The following SLA variants were observed in gnomAD, a reference collection of about 807,000 sequenced individuals.
SLA encodes the protein src-like-adapter.
SLA carries 16 observed loss-of-function variants against 30.3 expected under a neutral mutation model. The observed-to-expected ratio is 0.53, with a 90% CI of 0.36 to 0.80. The LOEUF (loss-of-function observed/expected upper bound fraction) is 0.80, where lower values mean the gene tolerates loss of function less well. Ranked by LOEUF, SLA falls within the 30% of genes least tolerant of loss-of-function variation. The pLI is 0.01. For synonymous variants in SLA, 143 were observed against 137.8 expected, an observed-to-expected ratio of 1.04 and a Z score of -0.26; for missense variants, 310 against 345.2, an observed-to-expected ratio of 0.90 and a Z score of 0.81.
At chr8:133,047,006 A>T (rs2131174700) in intron 6 of SLA, 1 of 152,314 alleles carries the variant, frequency 6.6e-6, no homozygotes, top group Admixed American at 6.5e-5. Context: ...ATTTTAAAAA[A>T]GTTATTATTA....
intron 2 of SLA, among the ~76,000 whole-genome samples, chr8:133,070,052 G>A (rs2245055): frequency 0.6 from 79,242 of 132,330 alleles, 24,709 homozygotes; most frequent in East Asian, 0.79. Context: ...AAGAAAAGAA[G>A]AAAAGAAAGG....
At chr8:133,050,746 C>A in intron 4 of SLA, 70 bp downstream of exon 4, 2 of 1,039,966 alleles carry the variant, frequency 1.9e-6, no homozygotes, top group South Asian at 1.3e-5. Flanking sequence ...AGCTAACAAT[C>A]AAATACTTTT....
rs10106075 is a variant in SLA at position 133,037,633 on chromosome 8, C to T, written c.*891G>A. On this transcript the variant is annotated 3_prime_UTR_variant, in exon 9 of 9. Coordinates refer to ENST00000338087, the MANE Select transcript of SLA (RefSeq NM_001045556.3). ...CACCTCTGTTGGGGGTTAGGACTTACGCATCTTTTTTTTTTTTTTGGCTTG... is the reference window on the plus strand; with the variant it reads ...CACCTCTGTTGGGGGTTAGGACTTATGCATCTTTTTTTTTTTTTTGGCTTG... 0.15 allele frequency: 22,404 copies of T among 151,316 alleles called. 1,980 individuals are homozygous for T. Among genetic ancestry groups the T allele is most frequent in the African/African-American group, 0.24 (9,828 of 41,160 alleles). 9.4% of individuals were successfully genotyped at this position (151,316 alleles called of 1,614,324 possible).
intron 2 of SLA, among the ~76,000 whole-genome samples, chr8:133,064,685 C>T (rs562558683): frequency 4.1e-4 from 63 of 152,324 alleles, no homozygotes; most frequent in Non-Finnish European, 5.6e-4. Context: ...TGGGATATGC[C>T]GGCCAGCAGC....
Position 133,048,046 on chromosome 8 carries a change from A to C in SLA, c.249-113T>G. 3 of 616,048 alleles carry C rather than the reference A, an allele frequency of 4.9e-6. No individual in the cohort carries two copies. In the Admixed American group the frequency reaches 8.6e-5, roughly 18 times the overall value. The allele number at this position is 616,048 out of a possible 1,614,324, so 38.2% of individuals were successfully genotyped here. On this transcript the variant is annotated intron_variant, in intron 5 of 8. Coordinates refer to ENST00000338087, the MANE Select transcript of SLA (RefSeq NM_001045556.3). ...TGAAACCTAATCCTCACCTCAACCCACTGAGACAGGAAGCATCATCTCTCT... is the reference window on the plus strand; with the variant it reads ...TGAAACCTAATCCTCACCTCAACCCCCTGAGACAGGAAGCATCATCTCTCT...
At chr8:133,081,467 A>G (rs1409177231) in intron 1 of SLA, among the ~76,000 whole-genome samples, 2 of 152,212 alleles carry the variant, frequency 1.3e-5, no homozygotes, top group South Asian at 4.1e-4. Flanking sequence ...ACATCTCCAA[A>G]GTTGGATCAG....
At chr8:133,041,557 G>A (rs1216809836) in intron 7 of SLA, among the ~76,000 whole-genome samples, 1 of 152,162 alleles carries the variant, frequency 6.6e-6, no homozygotes, top group Non-Finnish European at 1.5e-5. Flanking sequence ...GATATGAGGC[G>A]AGGAAGATGA....
intron 5 of SLA, 74 bp from the exon 6 acceptor site, chr8:133,048,007 C>T (rs1839780645): frequency 3.7e-6 from 3 of 813,650 alleles, no homozygotes; most frequent in Non-Finnish European, 6.2e-6. Context: ...GCGCCACCCA[C>T]CGTACTAAGC....
rs776482443 is a variant in SLA at position 133,050,855 on chromosome 8, G to A, written c.122C>T (p.Pro41Leu). ...CAGTTTCTCCCCTCGGCGGAATATC[G>A]GGGGGCTGATGTCAGGAGACGGGTA... Reference protein sequence around the residue: ...SDYPSPDISPPIFRRGEKLRV... With the variant: ...SDYPSPDISPLIFRRGEKLRV... The change falls in exon 4 of 9, where the codon CCG (proline) becomes CTG (leucine). Residue 41 changes from proline (P) to leucine (L), a missense_variant. Pro to Leu is a moderately conservative substitution (Grantham distance 98). Coordinates refer to ENST00000338087, the MANE Select transcript of SLA (RefSeq NM_001045556.3). 38 of 1,613,178 alleles carry A rather than the reference G, an allele frequency of 2.4e-5. No homozygotes were observed. The highest frequency in any genetic ancestry group is 1.6e-4 in the Middle Eastern group (1 of 6,080).
At chr8:133,069,657 G>A (rs1380513774) in intron 2 of SLA, among the ~76,000 whole-genome samples, 1 of 152,072 alleles carries the variant, frequency 6.6e-6, no homozygotes, top group African/African-American at 2.4e-5. Context: ...TCTACTCTCG[G>A]CTGGGGCTCA....
Position 133,040,140 on chromosome 8 carries a change from G to A in SLA, c.485-10C>T, listed in dbSNP as rs201768665. On this transcript the variant is annotated splice_polypyrimidine_tract_variant and intron_variant, in intron 7 of 8. Coordinates refer to ENST00000338087, the MANE Select transcript of SLA (RefSeq NM_001045556.3). The stretch of plus-strand genomic sequence containing the variant: ...AGGCCATCAGCCACCTCTGAGGAGG[G>A]AAGCAGACAGCCGGTCAGGGACCCT... 9 of 1,577,708 alleles carry A rather than the reference G, an allele frequency of 5.7e-6. No homozygotes were observed. The East Asian group carries it at 1.9e-4, about 32-fold the overall frequency.
At chr8:133,076,383 GC>G (rs1392397056) in intron 1 of SLA, among the ~76,000 whole-genome samples, 1 of 152,188 alleles carries the variant, frequency 6.6e-6, no homozygotes, top group African/African-American at 2.4e-5. Context: ...AACCCTCAGG[GC>G]TGCTTCTAAA....
chr8:133,058,659 G>A (rs547217588), intron 3 of SLA, among the ~76,000 whole-genome samples: 5 of 152,284 alleles, frequency 3.3e-5, no homozygotes, highest in African/African-American at 1.2e-4. Context: ...TTTGGAGAGG[G>A]TGAGAAAGAG....
At chr8:133,098,509 C>T (rs1452702130) in intron 1 of SLA, among the ~76,000 whole-genome samples, 1 of 152,208 alleles carries the variant, frequency 6.6e-6, no homozygotes, top group Non-Finnish European at 1.5e-5. Context: ...ATTTGATACC[C>T]TCCTACAGGG....
At chr8:133,100,389 T>C (rs1849059252) in intron 1 of SLA, among the ~76,000 whole-genome samples, 1 of 152,218 alleles carries the variant, frequency 6.6e-6, no homozygotes, top group Admixed American at 6.5e-5. Context: ...CTTCCCCAAC[T>C]AGAATGTTTG....
At position 133,040,028 on chromosome 8, in the gene SLA, T is replaced by TGACG. The variant is rs1837910899; in HGVS notation, c.583_586dup (p.Gln196ProfsTer48). On this transcript the variant is annotated frameshift_variant, in exon 8 of 9. Coordinates refer to ENST00000338087, the MANE Select transcript of SLA (RefSeq NM_001045556.3). LOFTEE classifies it high-confidence loss of function. Reference sequence around the variant, plus strand: ...CACTCTCCTCCAGTCCACAGTCTTCTGACGCAAGGTGACAGGTGAGCTGGA... The same window carrying TGACG: ...CACTCTCCTCCAGTCCACAGTCTTCTGACGGACGCAAGGTGACAGGTGAGCTGGA... 2 of 1,551,790 alleles carry TGACG rather than the reference T, an allele frequency of 1.3e-6. No homozygotes were observed. Among genetic ancestry groups the TGACG allele is most frequent in the Non-Finnish European group, 8.7e-7 (1 of 1,147,092 alleles).
In SLA at chr8:133,040,117, G is replaced by A. The variant is rs746431495; in HGVS notation, c.498C>T (p.Gly166=). Residue 166 remains glycine, a synonymous_variant, in exon 8 of 9, where the codon GGC becomes GGT. Transcript: ENST00000338087. ...AGGGCGTGGTGAGCACACAGCACAG[G>A]CCATCAGCCACCTCTGAGGAGGGAA... ...LVNHYSEVAD[G]LCCVLTTPCL... 6.3e-7 allele frequency: 1 copy of A among 1,576,616 alleles called. No individual in the cohort carries two copies.
At chr8:133,075,682 C>T (rs541427268) in intron 1 of SLA, among the ~76,000 whole-genome samples, 3 of 152,286 alleles carry the variant, frequency 2.0e-5, no homozygotes, top group South Asian at 4.1e-4. Context: ...CCTATATCTA[C>T]AGCCATCATA....
At chr8:133,100,961 A>ATT (rs113664419) in intron 1 of SLA, among the ~76,000 whole-genome samples, 7 of 151,546 alleles carry the variant, frequency 4.6e-5, no homozygotes, top group East Asian at 1.9e-4. Flanking sequence ...ATTTAACACG[A>ATT]TTTTTTTTCT....
Sources: allele counts gnomAD v4.1 joint callset (sites outside exome capture counted in the v4.1 genomes callset), GRCh38; gene constraint gnomAD v4.1.1; transcripts MANE v1.5; gene names NCBI Gene and HGNC (gene_info 2026-07-23, HGNC 2026-07-21).